ZNF385D: variants seen among roughly 807,000 people sequenced by gnomAD.
ZNF385D encodes the protein zinc finger protein 659.
ZNF385D carries 15 observed loss-of-function variants against 35.8 expected under a neutral mutation model. The ratio of observed to expected loss-of-function variants is 0.42; its 90% confidence interval spans 0.28 to 0.64. The LOEUF is 0.64. Ranked by LOEUF, ZNF385D falls within the 30% of genes least tolerant of loss-of-function variation. The pLI is 0.23. For synonymous variants in ZNF385D, 212 were observed against 186.8 expected (o/e 1.13, Z -1.10); for missense variants, 474 against 494.6 (o/e 0.96, Z 0.39).
At chr3:21,629,449 A>G (rs537228158) in intron 2 of ZNF385D, among the ~76,000 whole-genome samples, 7 of 152,322 alleles carry the variant, frequency 4.6e-5, no homozygotes, top group Non-Finnish European at 7.4e-5. Context: ...ATGAACACAT[A>G]TATTTTATGT....
intron 3 of ZNF385D, among the ~76,000 whole-genome samples, chr3:21,561,717 T>C (rs2062953638): frequency 6.6e-6 from 1 of 152,102 alleles, no homozygotes; most frequent in Admixed American, 6.5e-5. Flanking sequence ...GGTGGAACAA[T>C]CAGAACACAC....
At chr3:21,729,719 A>G (rs188875878) in intron 1 of ZNF385D, among the ~76,000 whole-genome samples, 1 of 152,334 alleles carries the variant, frequency 6.6e-6, no homozygotes, top group East Asian at 1.9e-4. Context: ...GCTAGGGCAA[A>G]AAAGAGAGAA....
intron 3 of ZNF385D, among the ~76,000 whole-genome samples, chr3:21,967,779 G>C (rs1702992998): frequency 6.6e-6 from 1 of 152,188 alleles, no homozygotes; most frequent in African/African-American, 2.4e-5. Context: ...GGCAAATGAG[G>C]TTCCTAAAAG....
intron 2 of ZNF385D, among the ~76,000 whole-genome samples, chr3:22,246,070 ACAGATG>A (rs1699762134): frequency 6.6e-6 from 1 of 152,166 alleles, no homozygotes. Flanking sequence ...GAACATCATA[ACAGATG>A]CTTGGATCAG....
chr3:22,288,940 T>C (rs1488294256), intron 2 of ZNF385D, among the ~76,000 whole-genome samples: 1 of 152,066 alleles, frequency 6.6e-6, no homozygotes, highest in African/African-American at 2.4e-5. Flanking sequence ...GCTGACTCTG[T>C]TTTTAGCGGC....
intron 4 of ZNF385D, among the ~76,000 whole-genome samples, chr3:21,478,417 T>C (rs1453063649): frequency 6.6e-6 from 1 of 152,128 alleles, no homozygotes; most frequent in Non-Finnish European, 1.5e-5. Context: ...ACATAGATAA[T>C]GTATGCCCTA....
At chr3:22,315,476 C>CAGA (rs1457633513) in intron 2 of ZNF385D, among the ~76,000 whole-genome samples, 4 of 152,120 alleles carry the variant, frequency 2.6e-5, no homozygotes, top group Non-Finnish European at 5.9e-5. Context: ...TACACAAAGA[C>CAGA]AGAACCTTGA....
Position 21,862,621 on chromosome 3 carries a change from G to A in ZNF385D, c.326-197593C>T, listed in dbSNP as rs563396050. 5.9e-5 allele frequency among the ~76,000 whole-genome samples: 9 copies of A among 152,178 alleles called. No homozygotes were observed. In the East Asian group the frequency reaches 1.2e-3, roughly 20 times the overall value. Reference sequence around the variant, plus strand: ...GTGTATAGCATTCCAGCATAAAGACGTATGCTAAAGAGAGCTAACTGAATT... The same window carrying A: ...GTGTATAGCATTCCAGCATAAAGACATATGCTAAAGAGAGCTAACTGAATT... On this transcript the variant is annotated intron_variant, in intron 3 of 5. Coordinates refer to the ZNF385D transcript ENST00000494108.
intron 3 of ZNF385D, among the ~76,000 whole-genome samples, chr3:22,147,759 G>C (rs1331661140): frequency 6.6e-6 from 1 of 152,132 alleles, no homozygotes; most frequent in African/African-American, 2.4e-5. Flanking sequence ...GAAAGAGTTA[G>C]GATTGAATCT....
intron 2 of ZNF385D, among the ~76,000 whole-genome samples, chr3:22,219,109 ACTTT>A (rs761192226): frequency 6.6e-5 from 10 of 152,146 alleles, no homozygotes; most frequent in Non-Finnish European, 1.3e-4. Context: ...ACGATCTGTT[ACTTT>A]CTTAGCTCTT....
intron 3 of ZNF385D, among the ~76,000 whole-genome samples, chr3:22,066,532 CTGTGTGTGTGTGTGTGTGTGTGTGTG>C (rs10536628): frequency 4.5e-4 from 41 of 91,316 alleles, no homozygotes; most frequent in Admixed American, 8.6e-4. Flanking sequence ...AGATGGTTCC[CTGTGTGTGTGTGTGTGTGTGTGTGTG>C]TGTGTGTGTG....
At chr3:22,337,946 C>T (rs978856048) in intron 2 of ZNF385D, among the ~76,000 whole-genome samples, 6 of 152,190 alleles carry the variant, frequency 3.9e-5, no homozygotes, top group African/African-American at 1.4e-4. Context: ...TTTTGGTACA[C>T]CAAGCTGACT....
At chr3:22,048,598 G>C (rs1439712482) in intron 3 of ZNF385D, among the ~76,000 whole-genome samples, 1 of 152,076 alleles carries the variant, frequency 6.6e-6, no homozygotes, top group Non-Finnish European at 1.5e-5. Context: ...TGTTCTATTG[G>C]CCTATGTGTC....
chr3:21,556,298 A>G (rs1235060549), intron 3 of ZNF385D, among the ~76,000 whole-genome samples: 2 of 151,964 alleles, frequency 1.3e-5, no homozygotes, highest in Non-Finnish European at 2.9e-5. Context: ...GTCCTTGCCC[A>G]TGCTTATGTC....
chr3:22,307,798 G>C (rs1460412968), intron 2 of ZNF385D, among the ~76,000 whole-genome samples: 1 of 150,790 alleles, frequency 6.6e-6, no homozygotes, highest in Non-Finnish European at 1.5e-5. Flanking sequence ...TACAGAAAAT[G>C]TAAGGCAAAT....
chr3:21,772,108 C>G (rs528018577), intron 3 of ZNF385D, among the ~76,000 whole-genome samples: 2 of 151,724 alleles, frequency 1.3e-5, no homozygotes, highest in East Asian at 1.9e-4. Context: ...AATATAAGAA[C>G]GAGAAATATA....
chr3:21,864,973 C>G (rs552107149), intron 3 of ZNF385D, among the ~76,000 whole-genome samples: 2 of 121,048 alleles, frequency 1.7e-5, no homozygotes, highest in East Asian at 5.1e-4. Flanking sequence ...AGCAGCCAAC[C>G]TACGTTTGGA....
intron 3 of ZNF385D, among the ~76,000 whole-genome samples, chr3:21,810,470 T>C (rs570434694): frequency 1.3e-5 from 2 of 152,162 alleles, no homozygotes; most frequent in African/African-American, 4.8e-5. Flanking sequence ...CATGTATACA[T>C]ATGTATCAAA....
chr3:21,767,060 A>ACC (rs977353699), intron 3 of ZNF385D, among the ~76,000 whole-genome samples: 2 of 145,754 alleles, frequency 1.4e-5, no homozygotes, highest in South Asian at 2.3e-4. Flanking sequence ...TGTGCGTACA[A>ACC]CCCCCCCACC....
Sources: allele counts gnomAD v4.1 joint callset (sites outside exome capture counted in the v4.1 genomes callset), GRCh38; gene constraint gnomAD v4.1.1; transcripts MANE v1.5; gene names NCBI Gene and HGNC (gene_info 2026-07-23, HGNC 2026-07-21).